KDM7A: variants seen among roughly 807,000 people sequenced by gnomAD.
The protein encoded by KDM7A is lysine demethylase 7A.
Under a neutral mutation model 114.8 loss-of-function variants are expected in KDM7A, and 28 were observed. That is an observed-to-expected ratio of 0.24 (90% CI 0.18 to 0.33). The LOEUF (loss-of-function observed/expected upper bound fraction) is 0.33. Among genes scored for constraint, KDM7A ranks in the 10% least tolerant of loss-of-function variants. The pLI is 1.00. For synonymous variants in KDM7A, 423 were observed against 397.8 expected, an observed-to-expected ratio of 1.06 and a Z score of -0.75; for missense variants, 942 against 1,142.5, an observed-to-expected ratio of 0.82 and a Z score of 2.53.
chr7:140,139,195 G>A lies in KDM7A; in HGVS notation c.195-5C>T, dbSNP rs764258621. On this transcript the variant is annotated splice_region_variant and splice_polypyrimidine_tract_variant and intron_variant, in intron 1 of 19. Transcript: ENST00000397560. ...TGTTCTTCTACTCCAACACAGCTAA[G>A]ACAAAGGAAACCAAAATCAGTATGT... 10 of 1,608,702 alleles carry A rather than the reference G, an allele frequency of 6.2e-6. No individual in the cohort carries two copies. The South Asian group carries it at 7.7e-5, about 12-fold the overall frequency.
rs1413772972 is a variant in KDM7A at position 140,087,595 on chromosome 7, T to C, written c.*3499A>G. 2.6e-5 allele frequency: 4 copies of C among 152,236 alleles called. No homozygotes were observed. The highest frequency in any genetic ancestry group is 9.6e-5 in the African/African-American group (4 of 41,466). The allele number at this position is 152,236 out of a possible 1,614,324, so 9.4% of individuals were successfully genotyped here. A position where few individuals can be genotyped will look rare whatever the true frequency, so the allele number is the denominator to read the frequency against. ...AGTGTTAAGAGATTTTCTTAATTGA[T>C]TATCATAATAAACACTTTAATCCAA... On this transcript the variant is annotated 3_prime_UTR_variant, in exon 20 of 20. Transcript: ENST00000397560.
chr7:140,100,687 T>TATATATACAC (rs1562945948), intron 12 of KDM7A, among the ~76,000 whole-genome samples: 1 of 40,926 alleles, frequency 2.4e-5, no homozygotes, highest in Non-Finnish European at 4.3e-5. Flanking sequence ...TATACATATA[T>TATATATACAC]ACATATATAT....
chr7:140,107,030 C>T (rs1221498263), intron 11 of KDM7A, among the ~76,000 whole-genome samples: 1 of 152,096 alleles, frequency 6.6e-6, no homozygotes, highest in African/African-American at 2.4e-5. Context: ...ATGTAATGGC[C>T]TTCTTTGTCT....
intron 12 of KDM7A, among the ~76,000 whole-genome samples, chr7:140,100,689 C>CACACAT (rs1562945966): frequency 1.9e-4 from 10 of 54,008 alleles, no homozygotes; most frequent in Admixed American, 2.2e-4. Context: ...TACATATATA[C>CACACAT]ATATATATAT....
At chr7:140,142,079 C>CATATATATATAAAATATATTTATATATA (rs1794289464) in intron 1 of KDM7A, among the ~76,000 whole-genome samples, 1 of 146,620 alleles carries the variant, frequency 6.8e-6, no homozygotes, top group African/African-American at 2.5e-5. Context: ...ATTTATATAT[C>CATATATATATAAAATATATTTATATATA]TTTTTAAAGG....
chr7:140,121,001 C>T (rs1818610427), intron 7 of KDM7A, among the ~76,000 whole-genome samples: 1 of 152,198 alleles, frequency 6.6e-6, no homozygotes, highest in South Asian at 2.1e-4. Flanking sequence ...TAGAAAAGCA[C>T]ATTTTCCATT....
At chr7:140,134,230 C>T (rs1372962413) in intron 2 of KDM7A, among the ~76,000 whole-genome samples, 1 of 152,150 alleles carries the variant, frequency 6.6e-6, no homozygotes, top group Non-Finnish European at 1.5e-5. Context: ...AATGCTAAGA[C>T]CCTGTAATTC....
At chr7:140,137,261 T>G (rs11983076) in intron 2 of KDM7A, among the ~76,000 whole-genome samples, 54,360 of 152,074 alleles carry the variant, frequency 0.36, 10,045 homozygotes, top group Non-Finnish European at 0.38. Context: ...TACTCAAAGT[T>G]AAGTCGTGAT....
At chr7:140,158,911 G>GA (rs1794487711) in intron 1 of KDM7A, among the ~76,000 whole-genome samples, 1 of 152,044 alleles carries the variant, frequency 6.6e-6, no homozygotes, top group Non-Finnish European at 1.5e-5. Context: ...CCTAGGAAAG[G>GA]AAAAAAACCA....
intron 9 of KDM7A, 113 bp from the exon 10 acceptor site, chr7:140,113,695 A>AT: frequency 2.1e-6 from 1 of 469,570 alleles, no homozygotes; most frequent in Admixed American, 4.0e-5. Context: ...TAACTTCCAA[A>AT]TTAATAAAAA....
chr7:140,119,582 A>G lies in KDM7A; in HGVS notation c.1140-363T>C, dbSNP rs75039909. ...TAGACAACAGTGCAATACCCACCCAAAAAAGTTTTATTTAGGCTCCACTAG... is the reference window on the plus strand; with the variant it reads ...TAGACAACAGTGCAATACCCACCCAGAAAAGTTTTATTTAGGCTCCACTAG... On this transcript the variant is annotated intron_variant, in intron 8 of 19. Coordinates refer to ENST00000397560, the MANE Select transcript of KDM7A (RefSeq NM_030647.2). 9.4e-3 allele frequency among the ~76,000 whole-genome samples: 1,437 copies of G among 152,328 alleles called. 22 individuals carry two copies. Among genetic ancestry groups the G allele is most frequent in the African/African-American group, 0.034 (1,396 of 41,566 alleles).
At chr7:140,104,024 C>T (rs991025622) in intron 11 of KDM7A, among the ~76,000 whole-genome samples, 3 of 152,180 alleles carry the variant, frequency 2.0e-5, no homozygotes, top group Admixed American at 1.3e-4. Flanking sequence ...GAGATGGTAT[C>T]TCATTGTGGT....
chr7:140,130,851 CTT>C (rs574245274), intron 3 of KDM7A, among the ~76,000 whole-genome samples: 9 of 97,230 alleles, frequency 9.3e-5, no homozygotes, highest in Admixed American at 1.3e-4. Flanking sequence ...TTTAATAAGT[CTT>C]TTTTTTTTTT....
At chr7:140,132,731 C>G (rs1818808084) in intron 3 of KDM7A, among the ~76,000 whole-genome samples, 1 of 152,184 alleles carries the variant, frequency 6.6e-6, no homozygotes, top group African/African-American at 2.4e-5. Flanking sequence ...TAGATACTTA[C>G]CATTATATGT....
chr7:140,171,218 T>C (rs1468989244), intron 1 of KDM7A, among the ~76,000 whole-genome samples: 2 of 151,366 alleles, frequency 1.3e-5, no homozygotes, highest in Non-Finnish European at 2.9e-5. Flanking sequence ...ACAGGCACTT[T>C]GGGAGGCCAA....
rs182348816 is a variant in KDM7A at position 140,139,911 on chromosome 7, T to C, written c.195-721A>G. 1.8e-3 allele frequency among the ~76,000 whole-genome samples: 280 copies of C among 152,298 alleles called. 1 individual carries two copies. Among genetic ancestry groups the C allele is most frequent in the Admixed American group, 5.1e-3 (78 of 15,298 alleles). On this transcript the variant is annotated intron_variant, in intron 1 of 19. Transcript: ENST00000397560. Reference sequence around the variant, plus strand: ...ATGAACAATTTCATGCTAAGAGATTTAAAATATTAGATATGGGCAAACCTG... The same window carrying C: ...ATGAACAATTTCATGCTAAGAGATTCAAAATATTAGATATGGGCAAACCTG...
In KDM7A at chr7:140,155,003, A is replaced by G. The variant is rs1794442967; in HGVS notation, c.195-15813T>C. ...CACCCCTTTATCAACACAGGAGACT[A>G]AAATGGTGACAGCATTACCAAGCAT... On this transcript the variant is annotated intron_variant, in intron 1 of 19. Coordinates refer to ENST00000397560, the MANE Select transcript of KDM7A (RefSeq NM_030647.2). 5.3e-5 allele frequency among the ~76,000 whole-genome samples: 8 copies of G among 152,326 alleles called. No homozygotes were observed. In the South Asian group the frequency reaches 1.7e-3, roughly 32 times the overall value.
intron 3 of KDM7A, among the ~76,000 whole-genome samples, chr7:140,129,933 A>G (rs1818759784): frequency 6.6e-6 from 1 of 152,228 alleles, no homozygotes; most frequent in Non-Finnish European, 1.5e-5. Flanking sequence ...AGTTTATAGT[A>G]AAATATGTAC....
intron 1 of KDM7A, among the ~76,000 whole-genome samples, chr7:140,155,066 T>C (rs930795114): frequency 5.3e-5 from 8 of 152,156 alleles, no homozygotes; most frequent in Admixed American, 3.3e-4. Flanking sequence ...TGAATACATA[T>C]GAACCAAAGA....
Sources: allele counts gnomAD v4.1 joint callset (sites outside exome capture counted in the v4.1 genomes callset), GRCh38; gene constraint gnomAD v4.1.1; transcripts MANE v1.5; gene names NCBI Gene and HGNC (gene_info 2026-07-23, HGNC 2026-07-21).